BTBD2: variants seen among roughly 807,000 people sequenced by gnomAD.
The protein encoded by BTBD2 is BTB domain containing 2.
In BTBD2, 15 loss-of-function variants were observed where a neutral mutation model predicts 44.0. The ratio of observed to expected loss-of-function variants is 0.34; its 90% CI spans 0.23 to 0.53. The LOEUF is 0.53. Among genes scored for constraint, BTBD2 ranks in the 20% least tolerant of loss-of-function variants. The pLI, the probability that BTBD2 is intolerant of heterozygous loss-of-function variation, is 0.95. For missense variants in BTBD2, 657 were observed against 746.4 expected, an observed-to-expected ratio of 0.88 and a Z score of 1.39; for synonymous variants, 443 against 335.9, an observed-to-expected ratio of 1.32 and a Z score of -3.49.
Position 2,013,508 on chromosome 19 carries a change from G to A in BTBD2, c.407+1789C>T, listed in dbSNP as rs1403799825. 4 of 986,036 alleles carry A rather than the reference G, an allele frequency of 4.1e-6. No individual in the cohort carries two copies. The African/African-American group carries it at 5.2e-5, about 13-fold the overall frequency. 61.1% of individuals were successfully genotyped at this position (986,036 alleles called of 1,614,324 possible). On this transcript the variant is annotated intron_variant, in intron 1 of 8. Transcript: ENST00000255608. The stretch of plus-strand genomic sequence containing the variant: ...GTGGCCTGGTGGCAGGGGATCATAG[G>A]ATGGGGTGCAGGGGGTAGCAGGGCC...
At chr19:1,997,701 G>C (rs2016269687) in intron 1 of BTBD2, among the ~76,000 whole-genome samples, 1 of 152,220 alleles carries the variant, frequency 6.6e-6, no homozygotes, top group Non-Finnish European at 1.5e-5. Flanking sequence ...GGGCCACACA[G>C]GGCCTCACGC....
Position 2,008,190 on chromosome 19 carries a change from G to C in BTBD2, c.407+7107C>G, listed in dbSNP as rs553917096. Among the ~76,000 whole-genome samples the C allele has an allele frequency of 2.6e-5, 4 of 152,144 alleles. No individual in the cohort carries two copies. The South Asian group carries it at 8.3e-4, about 32-fold the overall frequency. ...TGGCTAATTTTGTATTTTTAGTAGA[G>C]ACAAGGTTTCACTATGTTTGCCAGG... On this transcript the variant is annotated intron_variant, in intron 1 of 8. Coordinates refer to ENST00000255608, the MANE Select transcript of BTBD2 (RefSeq NM_017797.4).
At chr19:2,007,284 C>T in intron 1 of BTBD2, among the ~76,000 whole-genome samples, 1 of 152,194 alleles carries the variant, frequency 6.6e-6, no homozygotes. Context: ...ATCCACTGCA[C>T]CTGGCCAATA....
rs946568000 is a variant in BTBD2 at position 1,986,878 on chromosome 19, C to G, written c.1368G>C (p.Pro456=). ...AGTTGACGTTGGGCAGCACCTCCACCGGCTCCTTGAACATGACGCGGAAGG... is the reference window on the plus strand; with the variant it reads ...AGTTGACGTTGGGCAGCACCTCCACGGGCTCCTTGAACATGACGCGGAAGG... ...ASTFRVMFKE[P]VEVLPNVNYT... is the part of the protein sequence containing the mutation. Residue 456 remains proline, a synonymous_variant, in exon 8 of 9, where the codon CCG becomes CCC. Transcript: ENST00000255608. The G allele has an allele frequency of 6.2e-7, 1 of 1,612,842 alleles. No individual in the cohort carries two copies. Among genetic ancestry groups the G allele is most frequent in the Admixed American group, 1.7e-5 (1 of 59,992 alleles).
Position 1,987,655 on chromosome 19 carries a change from C to T in BTBD2, c.1026G>A (p.Val342=), listed in dbSNP as rs980553084. The T allele has an allele frequency of 6.2e-7, 1 of 1,610,382 alleles. No individual in the cohort carries two copies. The highest frequency in any genetic ancestry group is 1.3e-5 in the African/African-American group (1 of 74,856). Residue 342 remains valine, a synonymous_variant, in exon 6 of 9, where the codon GTG becomes GTA. Coordinates refer to ENST00000255608, the MANE Select transcript of BTBD2 (RefSeq NM_017797.4). ...CGGTGAAGTGCAGGAAGAGGCTGAC[C>T]ACCTCGCGGTCCACCAGGATGCCCG... ...AQSGILVDRE[V]VSLFLHFTVN...
chr19:2,012,043 A>G (rs2016471710), intron 1 of BTBD2, among the ~76,000 whole-genome samples: 1 of 151,440 alleles, frequency 6.6e-6, no homozygotes, highest in South Asian at 2.1e-4. Context: ...TTTAGTAGAG[A>G]CGGTGTTTCA....
In BTBD2 at chr19:1,990,793, G is replaced by A. The variant is rs1359724535; in HGVS notation, c.714C>T (p.Ala238=). ...QARLFDEPQL[A]SLCLENIDKN... ...TGTCGATGTTCTCCAGGCACAGGCT[G>A]GCCAGCTGCGGTTCATCGAAGAGTC... The change falls in exon 4 of 9, where the codon GCC becomes GCT. Residue 238 remains alanine, a synonymous_variant. Coordinates refer to ENST00000255608, the MANE Select transcript of BTBD2 (RefSeq NM_017797.4). The A allele has an allele frequency of 6.3e-7, 1 of 1,588,292 alleles. No individual in the cohort carries two copies. Among genetic ancestry groups the A allele is most frequent in the South Asian group, 1.1e-5 (1 of 87,162 alleles).
intron 1 of BTBD2, 141 bp downstream of exon 1, chr19:2,015,155 TC>T: frequency 8.5e-7 from 1 of 1,173,804 alleles, no homozygotes; most frequent in Non-Finnish European, 1.1e-6. Flanking sequence ...GGTGCAGGGG[TC>T]CCGGGGACAG....
At chr19:1,995,771 C>G (rs56307174) in intron 2 of BTBD2, among the ~76,000 whole-genome samples, 26,998 of 149,692 alleles carry the variant, frequency 0.18, 2,892 homozygotes, top group African/African-American at 0.3. Flanking sequence ...CAAGTAGCTG[C>G]GACTACGGGC....
intron 1 of BTBD2, among the ~76,000 whole-genome samples, chr19:1,997,867 T>C (rs1286647162): frequency 1.3e-5 from 2 of 152,248 alleles, no homozygotes; most frequent in Non-Finnish European, 2.9e-5. Flanking sequence ...CTCATTCACA[T>C]GCATTCATTC....
intron 1 of BTBD2, among the ~76,000 whole-genome samples, chr19:2,001,463 C>G (rs2016329520): frequency 6.6e-6 from 1 of 152,124 alleles, no homozygotes; most frequent in Non-Finnish European, 1.5e-5. Flanking sequence ...CTGCACTGCA[C>G]CCTGGGCTAC....
intron 1 of BTBD2, among the ~76,000 whole-genome samples, chr19:2,001,077 A>T (rs1173385383): frequency 1.3e-5 from 2 of 151,966 alleles, no homozygotes; most frequent in African/African-American, 4.8e-5. Context: ...TAAGATCAGG[A>T]GTTCGAGACC....
rs568433575 is a variant in BTBD2 at position 1,986,751 on chromosome 19, G to A, written c.1416+79C>T. 120 of 1,574,582 alleles carry A rather than the reference G, an allele frequency of 7.6e-5. 1 individual carries two copies. In the South Asian group the frequency reaches 1.2e-3, roughly 16 times the overall value. On this transcript the variant is annotated intron_variant, in intron 8 of 8. Coordinates refer to ENST00000255608, the MANE Select transcript of BTBD2 (RefSeq NM_017797.4). ...GACTGGGCCAGGGTGGCTGCCTCTG[G>A]AGAGTGTGTGCTGTGCCCCGGTGGC...
At position 2,015,645 on chromosome 19, in the gene BTBD2, G is replaced by C; in HGVS notation, c.59C>G (p.Pro20Arg). Residue 20 changes from proline to arginine, a missense_variant, in exon 1 of 9, where the codon CCG (proline) becomes CGG (arginine). Pro to Arg is a moderately radical substitution (Grantham distance 103). Transcript: ENST00000255608. ...ASCPPGVGVG[P>R]GTGGSPGPSA... ...GGGCCCGGGACTGCCCCCCGTGCCC[G>C]GGCCGACCCCGACCCCCGGCGGGCA... The C allele has an allele frequency of 1.0e-6, 1 of 993,356 alleles. No homozygotes were observed. Among genetic ancestry groups the C allele is most frequent in the African/African-American group, 1.9e-5 (1 of 53,734 alleles). 61.5% of individuals were successfully genotyped at this position (993,356 alleles called of 1,614,324 possible).
chr19:1,989,603 C>G, intron 5 of BTBD2: 1 of 290,364 alleles, frequency 3.4e-6, no homozygotes, highest in South Asian at 3.5e-5. Flanking sequence ...GGAACCCAGG[C>G]CCTGCAGCAG....
In BTBD2 at chr19:2,015,358, G is replaced by A. The variant is rs533880533; in HGVS notation, c.346C>T (p.Leu116=). The A allele has an allele frequency of 6.9e-6, 11 of 1,585,434 alleles. No homozygotes were observed. In the East Asian group the frequency reaches 2.3e-4, roughly 33 times the overall value. Residue 116 remains leucine, a synonymous_variant, in exon 1 of 9, where the codon CTG becomes TTG. Coordinates refer to ENST00000255608, the MANE Select transcript of BTBD2 (RefSeq NM_017797.4). Reference sequence around the variant, plus strand: ...CCCACCAGGAAGTGCACGTCGCACAGCACCTCGTTGTTGAAGAGGAAGGCG... The same window carrying A: ...CCCACCAGGAAGTGCACGTCGCACAACACCTCGTTGTTGAAGAGGAAGGCG... ...RFAFLFNNEV[L]CDVHFLVGKG...
intron 2 of BTBD2, among the ~76,000 whole-genome samples, chr19:1,996,109 C>T (rs1299662384): frequency 1.3e-5 from 2 of 152,112 alleles, no homozygotes; most frequent in Non-Finnish European, 2.9e-5. Context: ...ATTATTTAAC[C>T]CTATGTGCAA....
intron 1 of BTBD2, among the ~76,000 whole-genome samples, chr19:2,003,975 A>G (rs1251539102): frequency 1.3e-5 from 2 of 151,978 alleles, no homozygotes; most frequent in Non-Finnish European, 2.9e-5. Context: ...TTCCTTGCAG[A>G]CAAAGGACAG....
At chr19:1,987,276 G>T in intron 6 of BTBD2, 23 bp from the exon 7 acceptor site, 1 of 1,612,438 alleles carries the variant, frequency 6.2e-7, no homozygotes, top group Non-Finnish European at 8.5e-7. Flanking sequence ...ATGACAGGCA[G>T]CAGCGTGGAT....
Sources: allele counts gnomAD v4.1 joint callset (sites outside exome capture counted in the v4.1 genomes callset), GRCh38; gene constraint gnomAD v4.1.1; transcripts MANE v1.5; gene names NCBI Gene and HGNC (gene_info 2026-07-23, HGNC 2026-07-21).